Variants in PTPRD observed in about 807,000 individuals in gnomAD.
PTPRD encodes the protein protein tyrosine phosphatase receptor type D.
PTPRD carries 34 observed loss-of-function variants against 214.5 expected under a neutral mutation model. That is an observed-to-expected ratio of 0.16 (90% CI 0.12 to 0.21). The LOEUF (loss-of-function observed/expected upper bound fraction) is 0.21, where lower values mean the gene tolerates loss of function less well. PTPRD is among the 10% of genes least tolerant of loss of function. The pLI, the probability that PTPRD is intolerant of heterozygous loss-of-function variation, is 1.00. For synonymous variants in PTPRD, 1,128 were observed against 845.7 expected (o/e 1.33, Z -5.79); for missense variants, 2,545 against 2,398.7 (o/e 1.06, Z -1.27).
intron 3 of PTPRD, among the ~76,000 whole-genome samples, chr9:10,295,197 C>T (rs1181367644): frequency 6.6e-6 from 1 of 152,006 alleles, no homozygotes; most frequent in Non-Finnish European, 1.5e-5. Flanking sequence ...GCTATGTGCT[C>T]CTTTTTCCTA....
intron 11 of PTPRD, among the ~76,000 whole-genome samples, chr9:8,783,118 T>C (rs1440738243): frequency 1.3e-5 from 2 of 152,150 alleles, no homozygotes; most frequent in African/African-American, 4.8e-5. Context: ...ATGACCAGAA[T>C]ATTAAACTTG....
At chr9:9,186,190 C>G (rs1352313067) in intron 9 of PTPRD, among the ~76,000 whole-genome samples, 1 of 151,918 alleles carries the variant, frequency 6.6e-6, no homozygotes, top group Non-Finnish European at 1.5e-5. Flanking sequence ...GAAGGCAGAC[C>G]CTAGTGCATG....
chr9:8,855,270 A>C (rs1253201877), intron 11 of PTPRD, among the ~76,000 whole-genome samples: 1 of 152,118 alleles, frequency 6.6e-6, no homozygotes, highest in Non-Finnish European at 1.5e-5. Context: ...TCTTAGTTCC[A>C]GACTTTGAGA....
chr9:10,402,117 G>A (rs561121370), intron 2 of PTPRD, among the ~76,000 whole-genome samples: 1 of 151,674 alleles, frequency 6.6e-6, no homozygotes, highest in South Asian at 2.1e-4. Flanking sequence ...AATGTAAATG[G>A]TGTTCCTATG....
chr9:9,986,333 T>C (rs1262842729), intron 4 of PTPRD, among the ~76,000 whole-genome samples: 5 of 152,262 alleles, frequency 3.3e-5, no homozygotes, highest in African/African-American at 7.2e-5. Context: ...TGAAGTGAGA[T>C]AGACTAAGTG....
At chr9:9,712,260 T>C (rs2097751369) in intron 7 of PTPRD, among the ~76,000 whole-genome samples, 1 of 152,176 alleles carries the variant, frequency 6.6e-6, no homozygotes, top group African/African-American at 2.4e-5. Flanking sequence ...TTTCTCATTT[T>C]TAAAAGAATT....
intron 11 of PTPRD, among the ~76,000 whole-genome samples, chr9:8,872,689 A>G (rs953312624): frequency 2.6e-5 from 4 of 152,346 alleles, no homozygotes; most frequent in South Asian, 2.1e-4. Flanking sequence ...CACTTTTTAA[A>G]AATAAATCTA....
At chr9:9,878,146 A>G (rs968387274) in intron 5 of PTPRD, among the ~76,000 whole-genome samples, 2 of 152,166 alleles carry the variant, frequency 1.3e-5, no homozygotes, top group Non-Finnish European at 2.9e-5. Flanking sequence ...CTAGAGAACA[A>G]TAGTGGCTTT....
chr9:10,125,762 G>A (rs768049744), intron 3 of PTPRD, among the ~76,000 whole-genome samples: 4 of 151,910 alleles, frequency 2.6e-5, no homozygotes, highest in African/African-American at 4.8e-5. Context: ...GATTATAGGC[G>A]TGAGCCACCG....
chr9:10,010,170 C>T (rs1343230066), intron 4 of PTPRD, among the ~76,000 whole-genome samples: 1 of 151,916 alleles, frequency 6.6e-6, no homozygotes, highest in African/African-American at 2.4e-5. Context: ...ACTCACTTGT[C>T]CATGTTCACC....
At chr9:9,128,896 C>G (rs12349866) in intron 10 of PTPRD, among the ~76,000 whole-genome samples, 5,017 of 152,252 alleles carry the variant, frequency 0.033, 176 homozygotes, top group African/African-American at 0.073. Flanking sequence ...TAAGTCTAAA[C>G]AAATGTTAAA....
At chr9:10,235,826 T>G (rs983841448) in intron 3 of PTPRD, among the ~76,000 whole-genome samples, 1 of 152,024 alleles carries the variant, frequency 6.6e-6, no homozygotes, top group Non-Finnish European at 1.5e-5. Context: ...ATAGGACCAC[T>G]TAAAACATAA....
At chr9:10,519,450 A>C (rs1001736140) in intron 2 of PTPRD, among the ~76,000 whole-genome samples, 4 of 152,136 alleles carry the variant, frequency 2.6e-5, no homozygotes, top group Non-Finnish European at 5.9e-5. Context: ...CTAACAATTA[A>C]CCAATATATG....
At chr9:8,984,981 C>G (rs1402529880) in intron 11 of PTPRD, among the ~76,000 whole-genome samples, 18 of 152,016 alleles carry the variant, frequency 1.2e-4, no homozygotes, top group Admixed American at 1.2e-3. Flanking sequence ...ATGATTGAAT[C>G]AAGTTGGAGG....
At chr9:9,191,262 T>C (rs911074094) in intron 9 of PTPRD, among the ~76,000 whole-genome samples, 3 of 152,114 alleles carry the variant, frequency 2.0e-5, no homozygotes, top group African/African-American at 7.2e-5. Flanking sequence ...CGACAGAGAC[T>C]ACTGAAGGCT....
At chr9:10,568,500 T>G (rs1017286168) in intron 2 of PTPRD, among the ~76,000 whole-genome samples, 19 of 152,086 alleles carry the variant, frequency 1.2e-4, no homozygotes, top group Non-Finnish European at 2.1e-4. Flanking sequence ...GATGGCTGGG[T>G]CAAATGGTAT....
chr9:9,410,111 T>C (rs1383218953), intron 8 of PTPRD, among the ~76,000 whole-genome samples: 1 of 152,142 alleles, frequency 6.6e-6, no homozygotes, highest in Non-Finnish European at 1.5e-5. Context: ...ATTCAATAAA[T>C]GCTAGATGTC....
At chr9:10,321,486 G>C (rs1207350887) in intron 3 of PTPRD, among the ~76,000 whole-genome samples, 2 of 151,970 alleles carry the variant, frequency 1.3e-5, no homozygotes, top group Admixed American at 6.6e-5. Context: ...TGGAAGATAA[G>C]ATAAACAAGA....
intron 3 of PTPRD, among the ~76,000 whole-genome samples, chr9:10,058,292 C>T (rs2097696259): frequency 6.6e-6 from 1 of 152,064 alleles, no homozygotes; most frequent in South Asian, 2.1e-4. Context: ...TAATGCCACA[C>T]CAGACACTGC....
Sources: allele counts gnomAD v4.1 joint callset (sites outside exome capture counted in the v4.1 genomes callset), GRCh38; gene constraint gnomAD v4.1.1; transcripts MANE v1.5; gene names NCBI Gene and HGNC (gene_info 2026-07-23, HGNC 2026-07-21).